DLG2: variants seen among roughly 807,000 people sequenced by gnomAD.
DLG2 encodes the protein discs large MAGUK scaffold protein 2.
A neutral mutation model predicts 132.5 loss-of-function variants in DLG2; 45 were observed. The observed-to-expected ratio is 0.34, with a 90% CI of 0.27 to 0.44. DLG2 has a LOEUF of 0.44. Among genes scored for constraint, DLG2 ranks in the 20% least tolerant of loss-of-function variants. The probability of loss-of-function intolerance (pLI) is 1.00; values close to 1 mark genes in which losing one functional copy is unlikely to be tolerated. For missense variants in DLG2, 1,045 were observed against 1,196.9 expected, an observed-to-expected ratio of 0.87 and a Z score of 1.87; for synonymous variants, 424 against 419.6, an observed-to-expected ratio of 1.01 and a Z score of -0.13.
At chr11:84,240,617 C>T (rs2097214058) in intron 8 of DLG2, among the ~76,000 whole-genome samples, 1 of 152,086 alleles carries the variant, frequency 6.6e-6, no homozygotes, top group Non-Finnish European at 1.5e-5. Context: ...TGGAGGCTTC[C>T]TGATGGTGGT....
At chr11:84,957,301 G>A (rs1236915240) in intron 6 of DLG2, among the ~76,000 whole-genome samples, 1 of 152,078 alleles carries the variant, frequency 6.6e-6, no homozygotes, top group African/African-American at 2.4e-5. Context: ...TTACATGATT[G>A]TTATTTATCA....
chr11:84,983,609 C>G (rs2056081396), intron 6 of DLG2, among the ~76,000 whole-genome samples: 1 of 152,114 alleles, frequency 6.6e-6, no homozygotes, highest in Non-Finnish European at 1.5e-5. Context: ...CCCAAAAAAT[C>G]ACACAAGCTA....
Position 84,271,508 on chromosome 11 carries a change from T to C in DLG2, c.520-20217A>G, listed in dbSNP as rs569184783. ...TGAGTTTTCTCCAGATGGACTTTAATAGAAATAATTTTATGAGATCAGTAA... is the reference window on the plus strand; with the variant it reads ...TGAGTTTTCTCCAGATGGACTTTAACAGAAATAATTTTATGAGATCAGTAA... On this transcript the variant is annotated intron_variant, in intron 7 of 27. Transcript: ENST00000376104. Among the ~76,000 whole-genome samples, 20 of 152,284 alleles carry C rather than the reference T, an allele frequency of 1.3e-4. No individual in the cohort carries two copies. In the East Asian group the frequency reaches 3.7e-3, roughly 28 times the overall value.
chr11:84,509,551 T>C (rs2099251471), intron 7 of DLG2, among the ~76,000 whole-genome samples: 1 of 152,124 alleles, frequency 6.6e-6, no homozygotes, highest in Non-Finnish European at 1.5e-5. Flanking sequence ...CTATCAAAGT[T>C]GAACTCACAA....
chr11:84,704,094 T>C (rs758582161), intron 6 of DLG2, among the ~76,000 whole-genome samples: 6 of 151,250 alleles, frequency 4.0e-5, no homozygotes, highest in Non-Finnish European at 5.9e-5. Context: ...TGTGTTTTAA[T>C]ATGCCACTAG....
chr11:84,612,481 T>C (rs2099597134), intron 6 of DLG2, among the ~76,000 whole-genome samples: 1 of 152,158 alleles, frequency 6.6e-6, no homozygotes, highest in East Asian at 1.9e-4. Flanking sequence ...GTTTAGTAGA[T>C]AACGTTCATG....
intron 8 of DLG2, among the ~76,000 whole-genome samples, chr11:84,205,735 T>C (rs1319768433): frequency 6.6e-6 from 1 of 151,990 alleles, no homozygotes; most frequent in African/African-American, 2.4e-5. Context: ...ATGCTTGTAA[T>C]GGAAATCAAA....
At chr11:85,282,112 G>T (rs573750793) in intron 4 of DLG2, among the ~76,000 whole-genome samples, 138 of 151,994 alleles carry the variant, frequency 9.1e-4, no homozygotes, top group Middle Eastern at 6.8e-3. Context: ...GATAAGCCAG[G>T]CACAGAAAGA....
At chr11:84,834,884 T>C (rs2079527728) in intron 6 of DLG2, among the ~76,000 whole-genome samples, 1 of 151,246 alleles carries the variant, frequency 6.6e-6, no homozygotes. Flanking sequence ...GGAATACTGG[T>C]GTCTTTCAGG....
At chr11:83,483,726 T>G (rs2093313575) in intron 22 of DLG2, among the ~76,000 whole-genome samples, 1 of 152,142 alleles carries the variant, frequency 6.6e-6, no homozygotes, top group Admixed American at 6.6e-5. Context: ...TGCTAGTTTA[T>G]CTTTAAATCA....
intron 7 of DLG2, among the ~76,000 whole-genome samples, chr11:84,406,680 T>C (rs1289288494): frequency 1.3e-5 from 2 of 152,218 alleles, no homozygotes; most frequent in Admixed American, 6.5e-5. Context: ...CCTCTTGGCC[T>C]GCCTTTTTCA....
chr11:83,905,965 T>C (rs1354258334), intron 15 of DLG2, among the ~76,000 whole-genome samples: 1 of 151,808 alleles, frequency 6.6e-6, no homozygotes, highest in Non-Finnish European at 1.5e-5. Context: ...TTGGAAATAG[T>C]TTTGTGAATA....
At chr11:85,167,359 A>G (rs957436782) in intron 4 of DLG2, among the ~76,000 whole-genome samples, 1 of 152,156 alleles carries the variant, frequency 6.6e-6, no homozygotes, top group Non-Finnish European at 1.5e-5. Context: ...GAAATGTTAC[A>G]AACTACAGAG....
In DLG2 at chr11:83,545,168, A is replaced by T. The variant is rs532636581; in HGVS notation, c.1941-3310T>A. 5.9e-5 allele frequency among the ~76,000 whole-genome samples: 9 copies of T among 152,278 alleles called. No homozygotes were observed. In the East Asian group the frequency reaches 1.7e-3, roughly 29 times the overall value. On this transcript the variant is annotated intron_variant, in intron 19 of 27. Coordinates refer to ENST00000376104, the MANE Select transcript of DLG2 (RefSeq NM_001142699.3). ...CTGGAGCCAGACTGCCTAGGTTTGC[A>T]GTTTTTTAACTATGTGATCTTAGGC...
At chr11:84,254,865 A>G (rs1031651418) in intron 7 of DLG2, among the ~76,000 whole-genome samples, 1 of 152,152 alleles carries the variant, frequency 6.6e-6, no homozygotes, top group African/African-American at 2.4e-5. Context: ...CTACCTCTCT[A>G]AAAGTCATTA....
At chr11:85,419,897 A>T (rs561679791) in intron 3 of DLG2, among the ~76,000 whole-genome samples, 6 of 152,258 alleles carry the variant, frequency 3.9e-5, no homozygotes, top group Admixed American at 3.9e-4. Context: ...AGCTAGGAGG[A>T]GTTTGTTATT....
chr11:83,532,237 C>T (rs9634001), intron 21 of DLG2, among the ~76,000 whole-genome samples: 99,979 of 151,946 alleles, frequency 0.66, 33,486 homozygotes, highest in African/African-American at 0.75. Flanking sequence ...AAATTTTAGT[C>T]ATTAATTCTC....
At chr11:84,669,594 A>G (rs1185095966) in intron 6 of DLG2, among the ~76,000 whole-genome samples, 1 of 152,180 alleles carries the variant, frequency 6.6e-6, no homozygotes, top group Non-Finnish European at 1.5e-5. Context: ...GAAGAACAAT[A>G]TGCTTTCAAA....
intron 6 of DLG2, among the ~76,000 whole-genome samples, chr11:84,802,827 G>C (rs984440288): frequency 1.1e-4 from 17 of 151,952 alleles, no homozygotes; most frequent in African/African-American, 3.9e-4. Flanking sequence ...ATGAGGCAGA[G>C]CCTAGCTGTG....
Sources: gnomAD v4.1 joint callset for allele counts (sites outside exome capture counted in the v4.1 genomes callset) on GRCh38, gnomAD v4.1.1 for gene constraint, MANE v1.5 for transcripts, NCBI Gene and HGNC (gene_info 2026-07-23, HGNC 2026-07-21) for gene names.